Variants in GLIS3 observed in about 807,000 individuals in gnomAD.
The protein encoded by GLIS3 is zinc finger protein GLIS3.
Under a neutral mutation model 78.6 loss-of-function variants are expected in GLIS3, and 53 were observed. That is an observed-to-expected ratio of 0.67 (90% confidence interval 0.54 to 0.85). GLIS3 has a LOEUF of 0.85. Among genes scored for constraint, GLIS3 ranks in the 40% least tolerant of loss-of-function variants. GLIS3 has a pLI of 0.00. For missense variants in GLIS3, 1,703 were observed against 1,231.1 expected (o/e 1.38, Z -5.74); for synonymous variants, 684 against 509.9 (o/e 1.34, Z -4.60).
At chr9:4,048,848 A>T (rs1240432688) in intron 4 of GLIS3, among the ~76,000 whole-genome samples, 1 of 152,154 alleles carries the variant, frequency 6.6e-6, no homozygotes, top group Non-Finnish European at 1.5e-5. Flanking sequence ...CCAACATTTG[A>T]GCGCTTTTCT....
chr9:4,019,714 C>G (rs1343613592), intron 4 of GLIS3, among the ~76,000 whole-genome samples: 1 of 152,056 alleles, frequency 6.6e-6, no homozygotes, highest in Non-Finnish European at 1.5e-5. Flanking sequence ...AAGATGCCAG[C>G]TGCAATTTTA....
At chr9:4,396,683 T>C in the GLIS3 span, among the ~76,000 whole-genome samples, 5 of 152,236 alleles carry the variant, frequency 3.3e-5, no homozygotes, top group Non-Finnish European at 7.3e-5. Flanking sequence ...GAGAGGTAAG[T>C]AGCCCCTCCT....
chr9:4,126,992 G>A (rs1162381153), intron 2 of GLIS3, among the ~76,000 whole-genome samples: 1 of 152,004 alleles, frequency 6.6e-6, no homozygotes, highest in Non-Finnish European at 1.5e-5. Context: ...TTCCTATTTT[G>A]TTTTCCCCAA....
chr9:3,988,994 G>A (rs1019937133), intron 4 of GLIS3, among the ~76,000 whole-genome samples: 8 of 151,980 alleles, frequency 5.3e-5, no homozygotes, highest in Admixed American at 2.0e-4. Context: ...GAAAACATTT[G>A]CAAACCACAT....
chr9:4,209,294 G>A (rs754925830), intron 2 of GLIS3, among the ~76,000 whole-genome samples: 1 of 152,068 alleles, frequency 6.6e-6, no homozygotes, highest in African/African-American at 2.4e-5. Flanking sequence ...TTTTCAACAG[G>A]TGCTTGTGCT....
chr9:4,360,589 G>A, the GLIS3 span, among the ~76,000 whole-genome samples: 5 of 152,020 alleles, frequency 3.3e-5, no homozygotes, highest in African/African-American at 7.3e-5. Context: ...TGATATTATC[G>A]GACCCATTTT....
chr9:4,247,601 T>G lies in GLIS3; in HGVS notation c.388+38437A>C, dbSNP rs557384260. 9.2e-5 allele frequency among the ~76,000 whole-genome samples: 14 copies of G among 152,222 alleles called. No homozygotes were observed. The East Asian group carries it at 2.1e-3, about 23-fold the overall frequency. On this transcript the variant is annotated intron_variant, in intron 2 of 10. Coordinates refer to ENST00000381971, the MANE Select transcript of GLIS3 (RefSeq NM_001042413.2). ...CTATTAAAATCAGGGACAAGAATGC[T>G]TACTATCACCATTACAATTTACCAT... is the stretch of plus-strand genomic sequence containing the variant.
At chr9:4,445,018 C>T in the GLIS3 span, among the ~76,000 whole-genome samples, 3 of 152,224 alleles carry the variant, frequency 2.0e-5, no homozygotes, top group African/African-American at 7.2e-5. Flanking sequence ...TATGTTTTAT[C>T]TCATATATAC....
chr9:4,053,635 T>TA (rs569983327), intron 4 of GLIS3, among the ~76,000 whole-genome samples: 5,510 of 96,372 alleles, frequency 0.057, 378 homozygotes, highest in East Asian at 0.28. Context: ...TGCTCAAGGC[T>TA]AAAAAAAAAA....
At chr9:4,407,602 T>A in the GLIS3 span, among the ~76,000 whole-genome samples, 2 of 152,058 alleles carry the variant, frequency 1.3e-5, no homozygotes, top group East Asian at 1.9e-4. Flanking sequence ...AGCCGAGATC[T>A]CGCCACCGCA....
At chr9:4,373,421 C>A in the GLIS3 span, among the ~76,000 whole-genome samples, 1 of 152,142 alleles carries the variant, frequency 6.6e-6, no homozygotes, top group East Asian at 1.9e-4. Context: ...GAGGTTAAAT[C>A]CTTTCCACAT....
intron 4 of GLIS3, among the ~76,000 whole-genome samples, chr9:3,992,304 A>C (rs960184586): frequency 1.3e-5 from 2 of 152,324 alleles, no homozygotes; most frequent in South Asian, 4.1e-4. Context: ...ATGAAATGTG[A>C]AAGAAAACTA....
chr9:4,204,688 C>A (rs1437310008), intron 2 of GLIS3, among the ~76,000 whole-genome samples: 1 of 151,730 alleles, frequency 6.6e-6, no homozygotes. Flanking sequence ...GAGGCCGAGG[C>A]GGGCAGACTG....
At chr9:4,140,115 G>A (rs1207826680) in intron 2 of GLIS3, among the ~76,000 whole-genome samples, 1 of 152,164 alleles carries the variant, frequency 6.6e-6, no homozygotes, top group East Asian at 1.9e-4. Flanking sequence ...CTTGAGCTCT[G>A]GAGTGTGAGA....
chr9:3,851,964 G>A (rs918234893), intron 9 of GLIS3, among the ~76,000 whole-genome samples: 3 of 152,250 alleles, frequency 2.0e-5, no homozygotes, highest in African/African-American at 7.2e-5. Flanking sequence ...CCAACATGGT[G>A]AAACCCCATC....
intron 2 of GLIS3, among the ~76,000 whole-genome samples, chr9:4,208,246 A>T (rs1419960874): frequency 6.6e-6 from 1 of 152,228 alleles, no homozygotes; most frequent in Non-Finnish European, 1.5e-5. Context: ...ATTCTCCCCA[A>T]GTTAAATGAC....
chr9:4,138,779 A>T (rs1190491937), intron 2 of GLIS3, among the ~76,000 whole-genome samples: 1 of 152,214 alleles, frequency 6.6e-6, no homozygotes, highest in Non-Finnish European at 1.5e-5. Flanking sequence ...TAAGTCACGT[A>T]TGTAGACCAC....
Position 3,895,817 on chromosome 9 carries a change from C to T in GLIS3, c.2128+2874G>A, listed in dbSNP as rs572711923. 3.3e-5 allele frequency among the ~76,000 whole-genome samples: 5 copies of T among 152,338 alleles called. No individual in the cohort carries two copies. The East Asian group carries it at 5.8e-4, about 18-fold the overall frequency. On this transcript the variant is annotated intron_variant, in intron 7 of 10. Transcript: ENST00000381971. The stretch of plus-strand genomic sequence containing the variant: ...CTTCTTCACACCACAAGTCCTCAAT[C>T]GTTGTGGCTTCTGAAAGATTATGGT...
intron 4 of GLIS3, among the ~76,000 whole-genome samples, chr9:3,959,241 C>T (rs879210829): frequency 6.6e-6 from 1 of 152,200 alleles, no homozygotes; most frequent in Non-Finnish European, 1.5e-5. Flanking sequence ...CTAGCTCCTT[C>T]CACCACGTGA....
Sources: gnomAD v4.1 joint callset for allele counts (sites outside exome capture counted in the v4.1 genomes callset) on GRCh38, gnomAD v4.1.1 for gene constraint, MANE v1.5 for transcripts, NCBI Gene and HGNC (gene_info 2026-07-23, HGNC 2026-07-21) for gene names.